PREX2: variants seen among roughly 807,000 people sequenced by gnomAD.
PREX2 encodes phosphatidylinositol-3,4,5-trisphosphate dependent Rac exchange factor 2.
A neutral mutation model predicts 203.2 loss-of-function variants in PREX2; 107 were observed. That is an observed-to-expected ratio of 0.53 (90% CI 0.45 to 0.62). The LOEUF (loss-of-function observed/expected upper bound fraction) is 0.62, where lower values mean the gene tolerates loss of function less well. PREX2 is among the 20% of genes least tolerant of loss of function. The probability of loss-of-function intolerance (pLI) is 0.00; values close to 1 mark genes in which losing one functional copy is unlikely to be tolerated. For synonymous variants in PREX2, 672 were observed against 663.6 expected, an observed-to-expected ratio of 1.01 and a Z score of -0.19; for missense variants, 1,777 against 1,955.9, an observed-to-expected ratio of 0.91 and a Z score of 1.72.
chr8:68,127,118 A>G, intron 30 of PREX2, among the ~76,000 whole-genome samples: 1 of 152,120 alleles, frequency 6.6e-6, no homozygotes, highest in East Asian at 1.9e-4. Flanking sequence ...ACATTTCAGG[A>G]TCTTGAACAA....
intron 31 of PREX2, among the ~76,000 whole-genome samples, chr8:68,129,267 G>A (rs902605485): frequency 2.6e-5 from 4 of 152,218 alleles, no homozygotes; most frequent in East Asian, 1.9e-4. Context: ...TGCCAATTCC[G>A]GAGGTGATTC....
At chr8:68,014,465 T>C (rs4610727) in intron 1 of PREX2, among the ~76,000 whole-genome samples, 69,452 of 151,886 alleles carry the variant, frequency 0.46, 20,094 homozygotes, top group African/African-American at 0.83. Context: ...GCGGCATATG[T>C]GAGAGCCTCA....
chr8:68,159,680 A>G (rs1260491935), intron 35 of PREX2, among the ~76,000 whole-genome samples: 2 of 152,194 alleles, frequency 1.3e-5, no homozygotes, highest in African/African-American at 4.8e-5. Flanking sequence ...TTGGCTCTAT[A>G]AAGTCCACAT....
chr8:68,005,482 G>A (rs1447874544), intron 1 of PREX2, among the ~76,000 whole-genome samples: 1 of 152,090 alleles, frequency 6.6e-6, no homozygotes, highest in Non-Finnish European at 1.5e-5. Context: ...CATCACCCAG[G>A]CCATCCATGA....
chr8:68,053,154 CA>C lies in PREX2; in HGVS notation c.1007del (p.Asn336IlefsTer22). On this transcript the variant is annotated frameshift_variant, in exon 9 of 40. Transcript: ENST00000288368. LOFTEE classifies it high-confidence loss of function. The stretch of plus-strand genomic sequence containing the variant: ...AATGGATGGAAGATACATAACACAG[CA>C]AAAAATAAATGGTTTGTTTGTATGG... The part of the protein sequence containing the change: ...VVNGWKIHNT[A>X]KNKWFVCMAK... 6.2e-7 allele frequency: 1 copy of C among 1,613,266 alleles called. No individual in the cohort carries two copies. Among genetic ancestry groups the C allele is most frequent in the Admixed American group, 1.7e-5 (1 of 59,946 alleles).
chr8:68,028,077 A>T (rs553925227), intron 5 of PREX2, among the ~76,000 whole-genome samples: 1 of 152,112 alleles, frequency 6.6e-6, no homozygotes, highest in South Asian at 2.1e-4. Context: ...AATCCCAAGT[A>T]TTGTGCTTAC....
At chr8:68,137,838 A>C (rs1277417011) in intron 32 of PREX2, among the ~76,000 whole-genome samples, 1 of 152,194 alleles carries the variant, frequency 6.6e-6, no homozygotes, top group Non-Finnish European at 1.5e-5. Context: ...TCTGTTACTC[A>C]CAAGATTCTA....
At chr8:68,173,863 C>T (rs73263345) in intron 35 of PREX2, among the ~76,000 whole-genome samples, 2,001 of 152,186 alleles carry the variant, frequency 0.013, 54 homozygotes, top group African/African-American at 0.046. Context: ...AGTATTTGTG[C>T]TCTGAATTTC....
At chr8:68,036,495 G>T (rs1177587688) in intron 6 of PREX2, among the ~76,000 whole-genome samples, 3 of 152,120 alleles carry the variant, frequency 2.0e-5, no homozygotes, top group Non-Finnish European at 2.9e-5. Context: ...GTCATGATAA[G>T]AAATGGTCTA....
At chr8:68,126,009 A>G (rs193206795) in intron 30 of PREX2, among the ~76,000 whole-genome samples, 80 of 152,202 alleles carry the variant, frequency 5.3e-4, no homozygotes, top group Non-Finnish European at 9.0e-4. Flanking sequence ...CTATTAGGTA[A>G]GACTAAACAC....
At chr8:68,019,712 T>G in intron 3 of PREX2, 41 bp downstream of exon 3, 1 of 1,571,622 alleles carries the variant, frequency 6.4e-7, no homozygotes, top group African/African-American at 1.4e-5. Context: ...TCTTTTCCCC[T>G]AGATTTTGAG....
At chr8:68,219,999 A>T (rs535447024) in intron 38 of PREX2, among the ~76,000 whole-genome samples, 1 of 152,110 alleles carries the variant, frequency 6.6e-6, no homozygotes, top group African/African-American at 2.4e-5. Flanking sequence ...GCATTATTGC[A>T]TTATCGAATT....
intron 31 of PREX2, among the ~76,000 whole-genome samples, chr8:68,130,503 G>C (rs917860425): frequency 6.6e-6 from 1 of 152,130 alleles, no homozygotes; most frequent in Non-Finnish European, 1.5e-5. Flanking sequence ...GCCAGACACG[G>C]TGCTAGATGC....
chr8:68,053,780 G>A (rs1031243452), intron 9 of PREX2, among the ~76,000 whole-genome samples: 1 of 152,122 alleles, frequency 6.6e-6, no homozygotes, highest in African/African-American at 2.4e-5. Context: ...AAATTGTTAG[G>A]TCTTTGAATA....
chr8:68,145,052 G>A (rs1049021001), intron 33 of PREX2, among the ~76,000 whole-genome samples: 14 of 151,936 alleles, frequency 9.2e-5, no homozygotes, highest in South Asian at 6.2e-4. Context: ...TAGAGGATAC[G>A]GATATTTAGT....
intron 21 of PREX2, among the ~76,000 whole-genome samples, chr8:68,095,267 C>G (rs993336279): frequency 6.6e-6 from 1 of 152,086 alleles, no homozygotes; most frequent in African/African-American, 2.4e-5. Flanking sequence ...TCTCCCCTCC[C>G]CAGAGGTCCA....
At chr8:68,188,684 G>A (rs1015679128) in intron 35 of PREX2, among the ~76,000 whole-genome samples, 1 of 152,132 alleles carries the variant, frequency 6.6e-6, no homozygotes, top group Non-Finnish European at 1.5e-5. Flanking sequence ...GCTTGTGCAG[G>A]GGAACTCTCA....
intron 7 of PREX2, 83 bp downstream of exon 7, chr8:68,038,375 G>T: frequency 1.4e-6 from 2 of 1,408,144 alleles, no homozygotes; most frequent in South Asian, 2.6e-5. Context: ...CATCTATCCA[G>T]CTCACAGTTT....
intron 3 of PREX2, 101 bp downstream of exon 3, chr8:68,019,772 A>T (rs940800497): frequency 8.5e-7 from 1 of 1,172,744 alleles, no homozygotes; most frequent in African/African-American, 1.5e-5. Context: ...TAGAAGTAAA[A>T]TCTGACACCA....
Sources: gnomAD v4.1 joint callset for allele counts (sites outside exome capture counted in the v4.1 genomes callset) on GRCh38, gnomAD v4.1.1 for gene constraint, MANE v1.5 for transcripts, NCBI Gene and HGNC (gene_info 2026-07-23, HGNC 2026-07-21) for gene names.